Variants in SPRED2 observed in about 807,000 individuals in gnomAD.
SPRED2 encodes sprouty-related, EVH1 domain-containing protein 2.
Under a neutral mutation model 43.0 loss-of-function variants are expected in SPRED2, and 47 were observed. That is an observed-to-expected ratio of 1.09 (90% CI 0.87 to 1.40). The LOEUF (loss-of-function observed/expected upper bound fraction) is 1.40, where lower values mean the gene tolerates loss of function less well. Ranked by LOEUF, SPRED2 falls within the 40% of genes most tolerant of loss-of-function variation. The pLI is 0.00. For missense variants in SPRED2, 561 were observed against 586.4 expected, an observed-to-expected ratio of 0.96 and a Z score of 0.45; for synonymous variants, 225 against 225.7, an observed-to-expected ratio of 1.00 and a Z score of 0.03.
chr2:65,312,302 T>A lies in SPRED2; in HGVS notation c.*1199A>T, dbSNP rs777528715. 2.3e-5 allele frequency: 23 copies of A among 985,344 alleles called. No homozygotes were observed. Among genetic ancestry groups the A allele is most frequent in the Non-Finnish European group, 2.8e-5 (23 of 829,920 alleles). The allele number at this position is 985,344 out of a possible 1,614,324, so 61.0% of individuals were successfully genotyped here. A position where few individuals can be genotyped will look rare whatever the true frequency, so the allele number is the denominator to read the frequency against. ...GGTTTTTACATATGGCCTTGTTTTT[T>A]CCCCAAGTATAAATGAGGAATTTGG... On this transcript the variant is annotated 3_prime_UTR_variant, in exon 6 of 6. Transcript: ENST00000356388.
intron 1 of SPRED2, among the ~76,000 whole-genome samples, chr2:65,370,969 C>A (rs534944177): frequency 5.9e-5 from 9 of 152,270 alleles, no homozygotes; most frequent in African/African-American, 1.9e-4. Flanking sequence ...AAGAGGCATG[C>A]AGGAAACTAA....
intron 1 of SPRED2, among the ~76,000 whole-genome samples, chr2:65,422,825 G>A (rs917426621): frequency 4.6e-5 from 7 of 152,168 alleles, no homozygotes; most frequent in Admixed American, 1.3e-4. Flanking sequence ...ACAGATCAAT[G>A]AGAAGGCAAC....
At chr2:65,427,514 T>C (rs1676584977) in intron 1 of SPRED2, among the ~76,000 whole-genome samples, 1 of 152,226 alleles carries the variant, frequency 6.6e-6, no homozygotes, top group Admixed American at 6.5e-5. Context: ...CTGTATCGGT[T>C]TAATTTCCAC....
At chr2:65,319,133 T>C (rs1310585590) in intron 4 of SPRED2, among the ~76,000 whole-genome samples, 1 of 152,174 alleles carries the variant, frequency 6.6e-6, no homozygotes, top group East Asian at 1.9e-4. Flanking sequence ...AACATAAGCA[T>C]TGTTAGTTTT....
chr2:65,366,845 CT>C, intron 1 of SPRED2: 1 of 1,191,554 alleles, frequency 8.4e-7, no homozygotes. Flanking sequence ...CAACATCCTG[CT>C]TCTCAAAAGT....
intron 1 of SPRED2, among the ~76,000 whole-genome samples, chr2:65,351,946 C>T (rs1674524391): frequency 6.6e-6 from 1 of 152,210 alleles, no homozygotes; most frequent in African/African-American, 2.4e-5. Flanking sequence ...GGAAAGTTAA[C>T]ATAACGTAAT....
At chr2:65,386,455 A>G (rs980248134) in intron 1 of SPRED2, among the ~76,000 whole-genome samples, 10 of 152,124 alleles carry the variant, frequency 6.6e-5, no homozygotes, top group African/African-American at 2.4e-5. Flanking sequence ...CGTCCTCTCT[A>G]TCGTACCTCT....
At chr2:65,379,798 A>G (rs1675329863) in intron 1 of SPRED2, among the ~76,000 whole-genome samples, 1 of 152,196 alleles carries the variant, frequency 6.6e-6, no homozygotes, top group Non-Finnish European at 1.5e-5. Flanking sequence ...TTAGGATAGA[A>G]TGAACATGGC....
At chr2:65,322,264 C>A (rs369522431) in intron 4 of SPRED2, among the ~76,000 whole-genome samples, 207 of 56,826 alleles carry the variant, frequency 3.6e-3, no homozygotes, top group African/African-American at 8.1e-3. Flanking sequence ...CTCTCTCTCT[C>A]TCTCTCTATA....
intron 4 of SPRED2, among the ~76,000 whole-genome samples, chr2:65,317,896 G>A (rs1249076229): frequency 6.6e-6 from 1 of 152,150 alleles, no homozygotes; most frequent in Non-Finnish European, 1.5e-5. Context: ...GAGATGTCAA[G>A]TTAAGACTGG....
At chr2:65,339,338 G>T (rs1393818216) in intron 2 of SPRED2, among the ~76,000 whole-genome samples, 2 of 152,004 alleles carry the variant, frequency 1.3e-5, no homozygotes, top group East Asian at 1.9e-4. Flanking sequence ...TGTCTGTGTA[G>T]AAAGAAGTAG....
chr2:65,309,085 G>A (rs566877703), downstream of SPRED2, among the ~76,000 whole-genome samples: 1 of 151,776 alleles, frequency 6.6e-6, no homozygotes, highest in Non-Finnish European at 1.5e-5. Context: ...GAACCCGGGA[G>A]GCGAAGGGTG....
intron 1 of SPRED2, among the ~76,000 whole-genome samples, chr2:65,427,915 T>C (rs978458866): frequency 6.6e-6 from 1 of 152,204 alleles, no homozygotes; most frequent in African/African-American, 2.4e-5. Flanking sequence ...AGGATGACCT[T>C]GAGGAAAGGA....
Position 65,414,443 on chromosome 2 carries a change from G to A in SPRED2, c.26+17519C>T, listed in dbSNP as rs576435364. On this transcript the variant is annotated intron_variant, in intron 1 of 5. Coordinates refer to ENST00000356388, the MANE Select transcript of SPRED2 (RefSeq NM_181784.3). ...TATAACCTCTGAAGCTAATATTCCT[G>A]CTGCCTTTGAGAACCACGGAGGCTG... 1.9e-4 allele frequency among the ~76,000 whole-genome samples: 29 copies of A among 152,298 alleles called. 2 individuals are homozygous for A. In the South Asian group the frequency reaches 5.8e-3, roughly 30 times the overall value.
At chr2:65,393,089 GA>G (rs1294262056) in intron 1 of SPRED2, among the ~76,000 whole-genome samples, 1 of 152,156 alleles carries the variant, frequency 6.6e-6, no homozygotes, top group African/African-American at 2.4e-5. Flanking sequence ...TGTTGCTACA[GA>G]GATAAAAATA....
At chr2:65,380,498 A>T (rs927444113) in intron 1 of SPRED2, 1 of 152,208 alleles carries the variant, frequency 6.6e-6, no homozygotes, top group African/African-American at 2.4e-5. Context: ...CATTAAAAAA[A>T]ATTCCATCCT....
chr2:65,397,922 C>T (rs1436491933), intron 1 of SPRED2, among the ~76,000 whole-genome samples: 17 of 152,132 alleles, frequency 1.1e-4, no homozygotes, highest in Admixed American at 1.0e-3. Flanking sequence ...AAAGAGCCTG[C>T]ATAGCCTAAG....
chr2:65,363,637 G>T (rs61226353), intron 1 of SPRED2, among the ~76,000 whole-genome samples: 3 of 152,004 alleles, frequency 2.0e-5, no homozygotes, highest in African/African-American at 7.2e-5. Context: ...GACAGCAGGC[G>T]ATAGACAGGC....
At chr2:65,314,463 G>A (rs957069320) in intron 5 of SPRED2, among the ~76,000 whole-genome samples, 2 of 152,174 alleles carry the variant, frequency 1.3e-5, no homozygotes, top group African/African-American at 2.4e-5. Context: ...ACAGGCAGGG[G>A]AGTGTGCACA....
Sources: allele counts gnomAD v4.1 joint callset (sites outside exome capture counted in the v4.1 genomes callset), GRCh38; gene constraint gnomAD v4.1.1; transcripts MANE v1.5; gene names NCBI Gene and HGNC (gene_info 2026-07-23, HGNC 2026-07-21).